The following RABGAP1L variants were observed in gnomAD, a reference collection of about 807,000 sequenced individuals.
RABGAP1L encodes the protein rab GTPase-activating protein 1-like.
A neutral mutation model predicts 137.7 loss-of-function variants in RABGAP1L; 63 were observed. That is an observed-to-expected ratio of 0.46 (90% CI 0.37 to 0.56). The LOEUF is 0.56. RABGAP1L is among the 20% of genes least tolerant of loss of function. The pLI is 0.00. For missense variants in RABGAP1L, 1,095 were observed against 1,244.0 expected (o/e 0.88, Z 1.80); for synonymous variants, 431 against 433.7 (o/e 0.99, Z 0.08).
At chr1:174,516,723 G>A (rs760403763) in intron 13 of RABGAP1L, among the ~76,000 whole-genome samples, 6 of 151,908 alleles carry the variant, frequency 3.9e-5, no homozygotes, top group Non-Finnish European at 4.4e-5. Context: ...TTATAATTAG[G>A]GCTTAGCAAG....
chr1:174,355,289 A>C (rs1214467524), intron 11 of RABGAP1L, among the ~76,000 whole-genome samples: 2 of 152,062 alleles, frequency 1.3e-5, no homozygotes, highest in African/African-American at 4.8e-5. Flanking sequence ...AGCCATAAAA[A>C]ATGATGAGTT....
intron 7 of RABGAP1L, among the ~76,000 whole-genome samples, chr1:174,272,059 C>T (rs1674598610): frequency 6.6e-6 from 1 of 151,726 alleles, no homozygotes; most frequent in Non-Finnish European, 1.5e-5. Flanking sequence ...TGGATTTTGA[C>T]CTATATGTTT....
chr1:174,742,752 C>G (rs1449273272), intron 17 of RABGAP1L, among the ~76,000 whole-genome samples: 1 of 152,180 alleles, frequency 6.6e-6, no homozygotes, highest in East Asian at 1.9e-4. Flanking sequence ...CGATGTGTAT[C>G]ATGACTTAAG....
intron 17 of RABGAP1L, among the ~76,000 whole-genome samples, chr1:174,751,050 T>C (rs1279826677): frequency 6.6e-6 from 1 of 152,180 alleles, no homozygotes; most frequent in African/African-American, 2.4e-5. Flanking sequence ...GGATAATTGC[T>C]TAGTATGGTA....
chr1:174,392,808 G>A (rs1359965062), intron 12 of RABGAP1L, among the ~76,000 whole-genome samples: 1 of 152,068 alleles, frequency 6.6e-6, no homozygotes, highest in East Asian at 1.9e-4. Context: ...TATGACTTTC[G>A]AGGCTCAAAA....
chr1:174,394,617 C>T (rs890709558), intron 13 of RABGAP1L, among the ~76,000 whole-genome samples: 1 of 152,040 alleles, frequency 6.6e-6, no homozygotes, highest in Non-Finnish European at 1.5e-5. Flanking sequence ...CTGTAAATTC[C>T]TTTGCTTATG....
chr1:174,228,622 G>C (rs1488141723), intron 3 of RABGAP1L, among the ~76,000 whole-genome samples: 3 of 152,082 alleles, frequency 2.0e-5, no homozygotes, highest in Non-Finnish European at 4.4e-5. Context: ...ATGTTTCAGT[G>C]GTTGAAGAAC....
intron 11 of RABGAP1L, among the ~76,000 whole-genome samples, chr1:174,349,882 G>A (rs1401538593): frequency 1.4e-5 from 2 of 140,782 alleles, no homozygotes; most frequent in Non-Finnish European, 3.1e-5. Flanking sequence ...CCTCCCTCCT[G>A]GATGGGGCGG....
chr1:174,193,626 C>G (rs1667364301), intron 1 of RABGAP1L, among the ~76,000 whole-genome samples: 1 of 152,176 alleles, frequency 6.6e-6, no homozygotes, highest in African/African-American at 2.4e-5. Flanking sequence ...TGCCTTTATG[C>G]TGATATGCCC....
chr1:174,940,981 C>T (rs577682989), intron 19 of RABGAP1L, among the ~76,000 whole-genome samples: 11 of 152,336 alleles, frequency 7.2e-5, no homozygotes, highest in South Asian at 2.1e-4. Context: ...GTATTCCTTC[C>T]GGCCTGCTCT....
intron 13 of RABGAP1L, among the ~76,000 whole-genome samples, chr1:174,444,657 G>T (rs1177772421): frequency 6.6e-6 from 1 of 151,950 alleles, no homozygotes; most frequent in Non-Finnish European, 1.5e-5. Flanking sequence ...ATTTCTTCAT[G>T]GTTCAATCTT....
At chr1:174,948,047 A>C (rs1282486927) in intron 19 of RABGAP1L, among the ~76,000 whole-genome samples, 1 of 152,146 alleles carries the variant, frequency 6.6e-6, no homozygotes, top group Admixed American at 6.5e-5. Flanking sequence ...TCTAGTGCTT[A>C]ATGTTTAGTT....
At chr1:174,412,504 GT>G (rs1445817498) in intron 13 of RABGAP1L, among the ~76,000 whole-genome samples, 2 of 152,080 alleles carry the variant, frequency 1.3e-5, no homozygotes, top group Non-Finnish European at 2.9e-5. Context: ...CTATCATAAA[GT>G]TGTTAGTTGG....
intron 13 of RABGAP1L, among the ~76,000 whole-genome samples, chr1:174,541,762 C>G (rs533345219): frequency 1.3e-5 from 2 of 150,896 alleles, no homozygotes; most frequent in African/African-American, 4.9e-5. Context: ...GGTGACAGCA[C>G]GAGACTCCGT....
intron 1 of RABGAP1L, among the ~76,000 whole-genome samples, chr1:174,186,677 G>A (rs1666828289): frequency 6.6e-6 from 1 of 152,160 alleles, no homozygotes; most frequent in Non-Finnish European, 1.5e-5. Flanking sequence ...GTATGGACAT[G>A]TAAAGGAAAG....
chr1:174,277,049 G>C (rs930286153), intron 9 of RABGAP1L, among the ~76,000 whole-genome samples: 15 of 151,974 alleles, frequency 9.9e-5, no homozygotes, highest in African/African-American at 3.6e-4. Context: ...GTTACTGACA[G>C]GAAGCATTCG....
chr1:174,637,836 G>A (rs528854671), intron 14 of RABGAP1L, among the ~76,000 whole-genome samples: 1 of 152,304 alleles, frequency 6.6e-6, no homozygotes, highest in Admixed American at 6.5e-5. Context: ...CCATTTTTCT[G>A]ACAACAGGCA....
chr1:174,895,515 C>T (rs1656996349), intron 19 of RABGAP1L, among the ~76,000 whole-genome samples: 1 of 150,044 alleles, frequency 6.7e-6, no homozygotes, highest in African/African-American at 2.5e-5. Flanking sequence ...CATATGTATA[C>T]ATGTGCCATG....
chr1:174,898,063 A>T (rs2149145141), intron 19 of RABGAP1L: 1 of 152,232 alleles, frequency 6.6e-6, no homozygotes, highest in Admixed American at 6.5e-5. Flanking sequence ...TTAGAATAGG[A>T]AAAGAAAATT....
Sources: allele counts gnomAD v4.1 joint callset (sites outside exome capture counted in the v4.1 genomes callset), GRCh38; gene constraint gnomAD v4.1.1; transcripts MANE v1.5; gene names NCBI Gene and HGNC (gene_info 2026-07-23, HGNC 2026-07-21).